The following ASTN2 variants were observed in gnomAD, a reference collection of about 807,000 sequenced individuals.
ASTN2 encodes the protein astrotactin-2.
Under a neutral mutation model 139.8 loss-of-function variants are expected in ASTN2, and 54 were observed. The observed-to-expected ratio is 0.39, with a 90% confidence interval of 0.31 to 0.48. The LOEUF (loss-of-function observed/expected upper bound fraction) is 0.48. ASTN2 is among the 20% of genes least tolerant of loss of function. ASTN2 has a pLI of 0.95. For missense variants in ASTN2, 1,565 were observed against 1,725.1 expected, an observed-to-expected ratio of 0.91 and a Z score of 1.64; for synonymous variants, 756 against 719.5, an observed-to-expected ratio of 1.05 and a Z score of -0.81.
At chr9:116,614,146 C>T (rs992529426) in intron 19 of ASTN2, among the ~76,000 whole-genome samples, 2 of 152,084 alleles carry the variant, frequency 1.3e-5, no homozygotes, top group Non-Finnish European at 2.9e-5. Flanking sequence ...AATAAAATAC[C>T]TAGGAATCCA....
chr9:116,710,504 G>A (rs1000039852), intron 16 of ASTN2, among the ~76,000 whole-genome samples: 22 of 128,738 alleles, frequency 1.7e-4, no homozygotes, highest in African/African-American at 7.2e-4. Context: ...GCCAAGGAGG[G>A]GGGAATCACC....
At chr9:117,340,295 G>A (rs1233030552) in intron 1 of ASTN2, among the ~76,000 whole-genome samples, 5 of 121,064 alleles carry the variant, frequency 4.1e-5, no homozygotes, top group Middle Eastern at 0.013. Flanking sequence ...TTGCGCCACC[G>A]CACTCCAGCC....
intron 19 of ASTN2, among the ~76,000 whole-genome samples, chr9:116,556,022 C>T (rs1206256284): frequency 6.6e-6 from 1 of 152,190 alleles, no homozygotes; most frequent in Admixed American, 6.5e-5. Flanking sequence ...TTCAACAGCA[C>T]TGCATTCAAC....
At chr9:117,230,008 CA>C (rs998131361) in intron 2 of ASTN2, among the ~76,000 whole-genome samples, 1 of 149,884 alleles carries the variant, frequency 6.7e-6, no homozygotes, top group African/African-American at 2.5e-5. Context: ...CCCATCTCTA[CA>C]AAAAATAAAA....
At chr9:117,271,392 T>C (rs1834059908) in intron 2 of ASTN2, among the ~76,000 whole-genome samples, 1 of 152,198 alleles carries the variant, frequency 6.6e-6, no homozygotes, top group Admixed American at 6.5e-5. Flanking sequence ...TTCTGGGAGA[T>C]ACAATTCAAG....
chr9:116,771,255 G>C (rs1295899694), intron 13 of ASTN2, among the ~76,000 whole-genome samples: 1 of 152,152 alleles, frequency 6.6e-6, no homozygotes, highest in East Asian at 1.9e-4. Flanking sequence ...GGACTCACCA[G>C]TCAGACTAGA....
At chr9:116,439,640 TTTCTC>T (rs1229990985) in intron 22 of ASTN2, among the ~76,000 whole-genome samples, 23 of 152,138 alleles carry the variant, frequency 1.5e-4, no homozygotes, top group African/African-American at 5.3e-4. Context: ...CATGTAACAT[TTTCTC>T]TTCTGAGCAT....
rs1019136407 is a variant in ASTN2, at chr9:117,136,103, A to G, written c.1168+5223T>C. On this transcript the variant is annotated intron_variant, in intron 4 of 22. Transcript: ENST00000313400. ...AGGTAATAATACCGATAAAAATAAG[A>G]CTAATAATCATAGCAATGATCAGAA... Among the ~76,000 whole-genome samples, 3 of 152,200 alleles carry G rather than the reference A, an allele frequency of 2.0e-5. No homozygotes were observed. In the East Asian group the frequency reaches 5.8e-4, roughly 29 times the overall value.
intron 13 of ASTN2, among the ~76,000 whole-genome samples, chr9:116,794,025 A>G (rs761760572): frequency 6.6e-6 from 1 of 152,158 alleles, no homozygotes; most frequent in African/African-American, 2.4e-5. Flanking sequence ...GTTTTGAGCC[A>G]CACATCAAAT....
At position 116,790,964 on chromosome 9, in the gene ASTN2, AAG is replaced by A. The variant is rs1564268802; in HGVS notation, c.2396+14666_2396+14667del. Among the ~76,000 whole-genome samples the A allele has an allele frequency of 9.5e-4, 101 of 106,678 alleles. 1 individual carries two copies. The highest frequency in any genetic ancestry group is 3.2e-3 in the African/African-American group (81 of 25,564). The allele number at this position is 106,678 out of a possible 152,430, so 70.0% of individuals were successfully genotyped here. ...AAAGAAAGAAAGAAAGAAAAGAAAG[AAG>A]GAAAGAAAGAAAGAAAGAAAGAAAG... On this transcript the variant is annotated intron_variant, in intron 13 of 22. Coordinates refer to ENST00000313400, the MANE Select transcript of ASTN2 (RefSeq NM_001365068.1).
intron 11 of ASTN2, among the ~76,000 whole-genome samples, chr9:116,836,992 C>G (rs955828426): frequency 3.3e-5 from 5 of 151,986 alleles, no homozygotes; most frequent in African/African-American, 1.2e-4. Context: ...GTTGAAGACC[C>G]GTGACTTCAG....
chr9:117,219,168 A>T (rs1832431754), intron 2 of ASTN2, among the ~76,000 whole-genome samples: 1 of 152,186 alleles, frequency 6.6e-6, no homozygotes, highest in South Asian at 2.1e-4. Flanking sequence ...CAGAATCAAG[A>T]AGGAAGTGTA....
intron 3 of ASTN2, among the ~76,000 whole-genome samples, chr9:117,194,370 A>C (rs1831433257): frequency 6.6e-6 from 1 of 152,196 alleles, no homozygotes; most frequent in South Asian, 2.1e-4. Flanking sequence ...AGAGGTTTTT[A>C]AACTTAAGGT....
chr9:116,521,862 T>C (rs1278867529), intron 19 of ASTN2, among the ~76,000 whole-genome samples: 1 of 151,554 alleles, frequency 6.6e-6, no homozygotes, highest in Admixed American at 6.6e-5. Flanking sequence ...AGGACATGAG[T>C]AGACAATTCT....
At chr9:117,376,576 A>G (rs1830129610) in intron 1 of ASTN2, among the ~76,000 whole-genome samples, 1 of 152,082 alleles carries the variant, frequency 6.6e-6, no homozygotes, top group East Asian at 1.9e-4. Flanking sequence ...AAAAGGCAAA[A>G]TTTTTCCTTC....
At chr9:116,997,942 T>C (rs1327457577) in intron 7 of ASTN2, among the ~76,000 whole-genome samples, 1 of 152,218 alleles carries the variant, frequency 6.6e-6, no homozygotes, top group Admixed American at 6.6e-5. Context: ...CCATCTGCTA[T>C]ATATAGATAA....
intron 16 of ASTN2, among the ~76,000 whole-genome samples, chr9:116,696,874 TA>T (rs1022947526): frequency 6.7e-6 from 1 of 149,938 alleles, no homozygotes. Flanking sequence ...CACCTAAAAC[TA>T]ATCATCACAA....
chr9:116,917,605 C>T (rs943508139), intron 10 of ASTN2, among the ~76,000 whole-genome samples: 10 of 152,212 alleles, frequency 6.6e-5, no homozygotes, highest in African/African-American at 2.2e-4. Context: ...CCCAAACCCT[C>T]TACATAAGAA....
At chr9:117,116,024 CAA>C (rs34605549) in intron 4 of ASTN2, among the ~76,000 whole-genome samples, 7 of 106,980 alleles carry the variant, frequency 6.5e-5, no homozygotes, top group African/African-American at 7.5e-5. Context: ...GACTCCGCCT[CAA>C]AAAAAAAATG....
Sources: allele counts gnomAD v4.1 joint callset (sites outside exome capture counted in the v4.1 genomes callset), GRCh38; gene constraint gnomAD v4.1.1; transcripts MANE v1.5; gene names NCBI Gene and HGNC (gene_info 2026-07-23, HGNC 2026-07-21).